CEP152: variants seen among roughly 807,000 people sequenced by gnomAD.
CEP152 encodes the protein centrosomal protein 152, also known as centrosomal protein of 152 kDa.
In CEP152, 132 loss-of-function variants were observed where a neutral mutation model predicts 188.9. The ratio of observed to expected loss-of-function variants is 0.70; its 90% confidence interval spans 0.61 to 0.81. CEP152 has a LOEUF of 0.81. CEP152 is among the 30% of genes least tolerant of loss of function. The pLI is 0.00. For missense variants in CEP152, 1,914 were observed against 1,969.8 expected (o/e 0.97, Z 0.54); for synonymous variants, 649 against 666.6 (o/e 0.97, Z 0.41).
intron 8 of CEP152, 57 bp from the exon 9 acceptor site, chr15:48,789,058 TG>T: frequency 6.9e-7 from 1 of 1,456,872 alleles, no homozygotes; most frequent in South Asian, 1.1e-5. Flanking sequence ...ATTTTAGCTC[TG>T]TGCTGTCTAT....
chr15:48,760,684 C>T (rs185840320), intron 18 of CEP152, among the ~76,000 whole-genome samples: 25 of 152,210 alleles, frequency 1.6e-4, no homozygotes, highest in African/African-American at 5.3e-4. Context: ...AACACATACA[C>T]TGATCTAGTT....
At chr15:48,731,988 T>C (rs1892437430) in intron 2 of CEP152, among the ~76,000 whole-genome samples, 1 of 152,178 alleles carries the variant, frequency 6.6e-6, no homozygotes, top group Non-Finnish European at 1.5e-5. Flanking sequence ...TGAGATACCA[T>C]CTCACGCCAA....
chr15:48,790,481 C>G (rs1896928501), intron 8 of CEP152, among the ~76,000 whole-genome samples: 1 of 152,220 alleles, frequency 6.6e-6, no homozygotes, highest in Non-Finnish European at 1.5e-5. Context: ...AGACATGAGA[C>G]AACACTGTTT....
chr15:48,753,897 GTTA>G (rs1894073089), intron 20 of CEP152, among the ~76,000 whole-genome samples: 1 of 152,080 alleles, frequency 6.6e-6, no homozygotes, highest in Non-Finnish European at 1.5e-5. Context: ...GATTGTCTCA[GTTA>G]TTTTAATGAG....
At chr15:48,793,013 G>C (rs1897083361) in intron 7 of CEP152, among the ~76,000 whole-genome samples, 1 of 152,040 alleles carries the variant, frequency 6.6e-6, no homozygotes, top group African/African-American at 2.4e-5. Context: ...GTAGAGACAG[G>C]GTTTCACCAT....
chr15:48,796,589 G>A (rs1897313194), intron 5 of CEP152, among the ~76,000 whole-genome samples: 1 of 152,046 alleles, frequency 6.6e-6, no homozygotes, highest in South Asian at 2.1e-4. Flanking sequence ...CTAATAAATA[G>A]TAACTCTTAT....
intron 9 of CEP152, among the ~76,000 whole-genome samples, chr15:48,787,118 A>C (rs1253423952): frequency 1.3e-5 from 2 of 151,242 alleles, no homozygotes; most frequent in African/African-American, 2.4e-5. Context: ...AATTCTGTTT[A>C]AATATTCTAT....
At chr15:48,766,530 G>A (rs1455529085) in intron 17 of CEP152, among the ~76,000 whole-genome samples, 2 of 152,096 alleles carry the variant, frequency 1.3e-5, no homozygotes, top group Admixed American at 1.3e-4. Flanking sequence ...CCCTGAAGGA[G>A]GTCATACGAA....
intron 7 of CEP152, among the ~76,000 whole-genome samples, chr15:48,792,251 A>G (rs1897037412): frequency 6.6e-6 from 1 of 152,114 alleles, no homozygotes; most frequent in Non-Finnish European, 1.5e-5. Flanking sequence ...TGACCTCCCA[A>G]AGTGCCGGGA....
At chr15:48,790,815 G>A (rs1405375859) in intron 8 of CEP152, among the ~76,000 whole-genome samples, 6 of 152,136 alleles carry the variant, frequency 3.9e-5, no homozygotes, top group Admixed American at 2.0e-4. Flanking sequence ...TGATTCGACC[G>A]CCTCGGCTTC....
rs116166057 is a variant in CEP152, at chr15:48,774,080, T to C, written c.1578-1389A>G. Reference sequence around the variant, plus strand: ...ACAGAAAAGACTCAAATTAAACTTATAGAAAAAATTATAATATCTGAAATG... The same window carrying C: ...ACAGAAAAGACTCAAATTAAACTTACAGAAAAAATTATAATATCTGAAATG... On this transcript the variant is annotated intron_variant, in intron 12 of 26. Transcript: ENST00000380950. Among the ~76,000 whole-genome samples, 1,443 of 152,126 alleles carry C rather than the reference T, an allele frequency of 9.5e-3. 26 individuals are homozygous for C. The highest frequency in any genetic ancestry group is 0.033 in the African/African-American group (1,363 of 41,532).
intron 13 of CEP152, among the ~76,000 whole-genome samples, chr15:48,772,020 A>C (rs547970307): frequency 6.6e-6 from 1 of 152,350 alleles, no homozygotes; most frequent in East Asian, 1.9e-4. Context: ...TAAGTCAGGG[A>C]CTGTCAGTAT....
At chr15:48,809,750 A>G (rs1267547463) in intron 1 of CEP152, among the ~76,000 whole-genome samples, 1 of 152,252 alleles carries the variant, frequency 6.6e-6, no homozygotes, top group Non-Finnish European at 1.5e-5. Flanking sequence ...CTATGTACCA[A>G]TCAATACATT....
chr15:48,778,432 C>A (rs573111543), intron 12 of CEP152, among the ~76,000 whole-genome samples: 28 of 152,250 alleles, frequency 1.8e-4, no homozygotes, highest in African/African-American at 6.3e-4. Flanking sequence ...TAGTTTTCCA[C>A]GAAGCCAAAA....
chr15:48,734,497 A>G (rs1892532730), downstream of CEP152, among the ~76,000 whole-genome samples: 2 of 151,920 alleles, frequency 1.3e-5, no homozygotes, highest in African/African-American at 2.4e-5. Context: ...AAAGATACAC[A>G]GTAACCAAAT....
chr15:48,759,104 G>T (rs920786308), intron 19 of CEP152, among the ~76,000 whole-genome samples: 1 of 151,906 alleles, frequency 6.6e-6, no homozygotes, highest in East Asian at 1.9e-4. Context: ...AATTTATCAT[G>T]TGTTATCCAT....
At chr15:48,778,767 T>C (rs1333848883) in intron 12 of CEP152, among the ~76,000 whole-genome samples, 1 of 151,998 alleles carries the variant, frequency 6.6e-6, no homozygotes, top group Non-Finnish European at 1.5e-5. Flanking sequence ...CTGACCAACA[T>C]GGAGAAACCC....
intron 19 of CEP152, among the ~76,000 whole-genome samples, chr15:48,757,792 C>T (rs910569735): frequency 6.6e-6 from 1 of 152,206 alleles, no homozygotes; most frequent in Non-Finnish European, 1.5e-5. Context: ...AATTCCTTTG[C>T]TACCAGCAGA....
intron 10 of CEP152, among the ~76,000 whole-genome samples, chr15:48,782,695 T>C (rs908333571): frequency 1.3e-5 from 2 of 152,326 alleles, no homozygotes; most frequent in East Asian, 1.9e-4. Flanking sequence ...ATTAGGGTTA[T>C]AATTCTGAAA....
Sources: gnomAD v4.1 joint callset for allele counts (sites outside exome capture counted in the v4.1 genomes callset) on GRCh38, gnomAD v4.1.1 for gene constraint, MANE v1.5 for transcripts, NCBI Gene and HGNC (gene_info 2026-07-23, HGNC 2026-07-21) for gene names.